The following ITGBL1 variants were observed in gnomAD, a reference collection of about 807,000 sequenced individuals.
ITGBL1 encodes the protein integrin subunit beta like 1, also known as integrin beta-like protein 1.
In ITGBL1, 51 loss-of-function variants were observed where a neutral mutation model predicts 68.5. That is an observed-to-expected ratio of 0.74 (90% CI 0.59 to 0.94). ITGBL1 has a LOEUF of 0.94. Ranked by LOEUF, ITGBL1 falls within the 40% of genes least tolerant of loss-of-function variation. ITGBL1 has a pLI of 0.00. For missense variants in ITGBL1, 649 were observed against 647.4 expected (o/e 1.00, Z -0.03); for synonymous variants, 209 against 227.3 (o/e 0.92, Z 0.72).
At chr13:101,630,128 AT>A (rs1300752244) in intron 7 of ITGBL1, among the ~76,000 whole-genome samples, 2 of 152,004 alleles carry the variant, frequency 1.3e-5, no homozygotes, top group Admixed American at 6.6e-5. Context: ...GGCCTTATTT[AT>A]TTTTTTGTTA....
chr13:101,522,030 A>C (rs748390917), intron 2 of ITGBL1, among the ~76,000 whole-genome samples: 1 of 151,914 alleles, frequency 6.6e-6, no homozygotes, highest in African/African-American at 2.4e-5. Flanking sequence ...AGAGGGAGGA[A>C]GAGGGAGAGA....
chr13:101,646,381 C>T (rs367964552), intron 7 of ITGBL1, among the ~76,000 whole-genome samples: 23 of 151,688 alleles, frequency 1.5e-4, no homozygotes, highest in African/African-American at 5.1e-4. Flanking sequence ...ATTACATAAA[C>T]GAATGGTCAA....
intron 2 of ITGBL1, among the ~76,000 whole-genome samples, chr13:101,513,069 A>G (rs1281159431): frequency 6.6e-6 from 1 of 152,088 alleles, no homozygotes; most frequent in East Asian, 1.9e-4. Flanking sequence ...TTTAGGCATT[A>G]TCGATGAGAA....
At chr13:101,684,172 T>G (rs1457836745) in intron 7 of ITGBL1, among the ~76,000 whole-genome samples, 1 of 152,020 alleles carries the variant, frequency 6.6e-6, no homozygotes, top group Non-Finnish European at 1.5e-5. Context: ...ATCCAGTATT[T>G]GTATATGCAA....
At chr13:101,582,091 T>C (rs2050467471) in intron 5 of ITGBL1, among the ~76,000 whole-genome samples, 2 of 152,234 alleles carry the variant, frequency 1.3e-5, no homozygotes, top group South Asian at 2.1e-4. Flanking sequence ...AATTTCCTTT[T>C]GTTCTTTCCT....
intron 2 of ITGBL1, among the ~76,000 whole-genome samples, chr13:101,457,803 G>A (rs1021851434): frequency 2.0e-5 from 3 of 151,948 alleles, no homozygotes; most frequent in Admixed American, 1.3e-4. Flanking sequence ...GTGACAGAAC[G>A]ACACTCCATC....
chr13:101,496,570 C>G (rs191261631), intron 2 of ITGBL1, among the ~76,000 whole-genome samples: 2 of 152,100 alleles, frequency 1.3e-5, no homozygotes, highest in Admixed American at 1.3e-4. Context: ...TAAGTCTTTC[C>G]ACTTCTCATC....
intron 7 of ITGBL1, among the ~76,000 whole-genome samples, chr13:101,671,557 G>A (rs915214393): frequency 2.7e-5 from 4 of 146,994 alleles, no homozygotes; most frequent in Non-Finnish European, 4.5e-5. Context: ...TCCTGCCTCA[G>A]CCTCCCGAGT....
At chr13:101,581,442 G>A (rs1461800387) in intron 5 of ITGBL1, among the ~76,000 whole-genome samples, 2 of 152,028 alleles carry the variant, frequency 1.3e-5, no homozygotes, top group Non-Finnish European at 2.9e-5. Context: ...TGGTACATGA[G>A]CTTTCAGTCC....
At chr13:101,717,352 G>A (rs2034764411), downstream of ITGBL1, 1 of 152,056 alleles carries the variant, frequency 6.6e-6, no homozygotes, top group Non-Finnish European at 1.5e-5. Context: ...CCATGTTGTA[G>A]TTCTATTATT....
In ITGBL1 at chr13:101,627,104, TTCAC is replaced by T. The variant is rs1422847839; in HGVS notation, c.1015+28809_1015+28812del. Among the ~76,000 whole-genome samples the T allele has an allele frequency of 2.0e-5, 3 of 152,192 alleles. No individual in the cohort carries two copies. In the East Asian group the frequency reaches 5.8e-4, roughly 29 times the overall value. On this transcript the variant is annotated intron_variant, in intron 7 of 10. Transcript: ENST00000376180. ...AGGATTGAAACTTGCGGTTTTCTGT[TTCAC>T]TCATTTCTGTAACAGGTTTCATGTT...
At chr13:101,573,261 A>G (rs1201794468) in intron 3 of ITGBL1, among the ~76,000 whole-genome samples, 1 of 152,136 alleles carries the variant, frequency 6.6e-6, no homozygotes, top group Non-Finnish European at 1.5e-5. Context: ...TACTTTTATG[A>G]ATTGAGTTAG....
intron 8 of ITGBL1, among the ~76,000 whole-genome samples, chr13:101,694,511 A>G (rs2033959440): frequency 6.6e-6 from 1 of 151,708 alleles, no homozygotes; most frequent in Admixed American, 6.6e-5. Context: ...GAAACCTCAA[A>G]CTCCTAGGCT....
At chr13:101,569,037 CA>C in intron 3 of ITGBL1, among the ~76,000 whole-genome samples, 1 of 131,440 alleles carries the variant, frequency 7.6e-6, no homozygotes, top group Non-Finnish European at 1.6e-5. Context: ...CACACACACA[CA>C]CACACACACA....
chr13:101,588,307 G>GTGTGTGTGTT (rs1260361609), intron 6 of ITGBL1, among the ~76,000 whole-genome samples: 1 of 151,904 alleles, frequency 6.6e-6, no homozygotes, highest in Non-Finnish European at 1.5e-5. Flanking sequence ...TTGTGTGTGT[G>GTGTGTGTGTT]TGTGTGTGCA....
At chr13:101,616,020 A>G (rs1340037874) in intron 7 of ITGBL1, among the ~76,000 whole-genome samples, 3 of 152,212 alleles carry the variant, frequency 2.0e-5, no homozygotes, top group Admixed American at 6.5e-5. Flanking sequence ...GGTATATTTT[A>G]TAGCAGCTCA....
intron 6 of ITGBL1, among the ~76,000 whole-genome samples, chr13:101,590,474 A>G (rs916681398): frequency 6.6e-6 from 1 of 152,000 alleles, no homozygotes; most frequent in South Asian, 2.1e-4. Flanking sequence ...GGCAGATGAC[A>G]TTCTCTTGGG....
chr13:101,455,828 A>C (rs2048236214), intron 2 of ITGBL1, among the ~76,000 whole-genome samples: 1 of 152,170 alleles, frequency 6.6e-6, no homozygotes, highest in Non-Finnish European at 1.5e-5. Flanking sequence ...GGCTTCTCTG[A>C]CCTATGGCCT....
rs543395448 is a variant in ITGBL1, at chr13:101,695,133, T to G, written c.1132+2432T>G. 1.1e-4 allele frequency among the ~76,000 whole-genome samples: 16 copies of G among 152,322 alleles called. No individual in the cohort carries two copies. In the South Asian group the frequency reaches 1.9e-3, roughly 18 times the overall value. ...TACATAACGGGGATTTAACATAGGC[T>G]GAAGGCTAAGAAAGACTTCTCTAAT... On this transcript the variant is annotated intron_variant, in intron 8 of 10. Transcript: ENST00000376180.
Sources: allele counts gnomAD v4.1 joint callset (sites outside exome capture counted in the v4.1 genomes callset), GRCh38; gene constraint gnomAD v4.1.1; transcripts MANE v1.5; gene names NCBI Gene and HGNC (gene_info 2026-07-23, HGNC 2026-07-21).